Variants in STK3 observed in about 807,000 individuals in gnomAD.
STK3 encodes the protein serine/threonine-protein kinase 3.
A neutral mutation model predicts 58.0 loss-of-function variants in STK3; 41 were observed. That is an observed-to-expected ratio of 0.71 (90% CI 0.55 to 0.92). STK3 has a LOEUF of 0.92. Among genes scored for constraint, STK3 ranks in the 40% least tolerant of loss-of-function variants. The pLI, the probability that STK3 is intolerant of heterozygous loss-of-function variation, is 0.00. For missense variants in STK3, 479 were observed against 602.7 expected (o/e 0.79, Z 2.15); for synonymous variants, 170 against 191.0 (o/e 0.89, Z 0.91).
intron 10 of STK3, among the ~76,000 whole-genome samples, chr8:98,463,538 A>C (rs1820180603): frequency 6.6e-6 from 1 of 152,146 alleles, no homozygotes; most frequent in Non-Finnish European, 1.5e-5. Context: ...AACCTTTAAT[A>C]ATTAGAATTA....
chr8:98,511,950 T>C (rs764480822), intron 10 of STK3, among the ~76,000 whole-genome samples: 14 of 152,186 alleles, frequency 9.2e-5, no homozygotes, highest in Middle Eastern at 3.4e-3. Context: ...AAAATCCCAC[T>C]TGCATAATTT....
intron 6 of STK3, among the ~76,000 whole-genome samples, chr8:98,612,350 A>G (rs1817267897): frequency 6.6e-6 from 1 of 150,396 alleles, no homozygotes. Flanking sequence ...TGAAACCAGG[A>G]ATTCAAGACC....
chr8:98,908,718 C>T (rs1201104808), intron 1 of STK3, among the ~76,000 whole-genome samples: 1 of 151,564 alleles, frequency 6.6e-6, no homozygotes, highest in African/African-American at 2.4e-5. Context: ...TGGCAGGCAC[C>T]TGTAATCCCA....
At chr8:98,607,280 G>A (rs79438271) in intron 6 of STK3, among the ~76,000 whole-genome samples, 3,553 of 152,200 alleles carry the variant, frequency 0.023, 65 homozygotes, top group Middle Eastern at 0.061. Flanking sequence ...CCCTTTCAGG[G>A]ATCTACCAAG....
intron 10 of STK3, among the ~76,000 whole-genome samples, chr8:98,464,540 T>TAAAAAAAAAAAAAAAAAAAA: frequency 1.7e-4 from 12 of 69,228 alleles, no homozygotes; most frequent in South Asian, 6.1e-4. Context: ...TACTTAAAGT[T>TAAAAAAAAAAAAAAAAAAAA]AAAAAAAAAA....
At chr8:98,730,738 A>C (rs979919544) in intron 4 of STK3, among the ~76,000 whole-genome samples, 1 of 145,520 alleles carries the variant, frequency 6.9e-6, no homozygotes, top group Non-Finnish European at 1.5e-5. Flanking sequence ...AAAAAAAAAA[A>C]CACCTGTGTG....
chr8:98,598,870 T>G, intron 6 of STK3: 1 of 985,438 alleles, frequency 1.0e-6, no homozygotes, highest in Non-Finnish European at 1.2e-6. Context: ...AGAACTACTC[T>G]GATCACAAGC....
chr8:98,484,629 T>A (rs979040538), intron 10 of STK3, among the ~76,000 whole-genome samples: 2 of 151,614 alleles, frequency 1.3e-5, no homozygotes, highest in Non-Finnish European at 2.9e-5. Context: ...AAAGTAACTA[T>A]AAAGACAGGT....
intron 3 of STK3, among the ~76,000 whole-genome samples, chr8:98,416,095 C>T (rs1405702483): frequency 6.6e-6 from 1 of 152,186 alleles, no homozygotes; most frequent in Non-Finnish European, 1.5e-5. Context: ...ACAAGCTGGG[C>T]CATTCAATGC....
intron 2 of STK3, among the ~76,000 whole-genome samples, chr8:98,377,928 C>T (rs895921882): frequency 9.2e-5 from 14 of 152,170 alleles, no homozygotes; most frequent in Non-Finnish European, 1.9e-4. Flanking sequence ...TCTCTCCTGC[C>T]TCTTGTGGGG....
intron 3 of STK3, among the ~76,000 whole-genome samples, chr8:98,852,560 GT>G (rs1246395990): frequency 6.6e-6 from 1 of 152,196 alleles, no homozygotes; most frequent in Non-Finnish European, 1.5e-5. Context: ...CAAGGACATA[GT>G]TGACAATTCA....
intron 4 of STK3, among the ~76,000 whole-genome samples, chr8:98,745,762 C>T (rs1380954372): frequency 6.6e-6 from 1 of 151,950 alleles, no homozygotes; most frequent in Non-Finnish European, 1.5e-5. Flanking sequence ...GCCAAAGGAC[C>T]ATATCCTAGA....
intron 6 of STK3, among the ~76,000 whole-genome samples, chr8:98,652,790 AAT>A (rs1486909544): frequency 2.0e-5 from 3 of 150,850 alleles, no homozygotes; most frequent in African/African-American, 7.3e-5. Flanking sequence ...AACTATCCTA[AAT>A]ATATATGCAC....
intron 4 of STK3, among the ~76,000 whole-genome samples, chr8:98,721,384 G>C (rs765175271): frequency 2.0e-5 from 3 of 151,968 alleles, no homozygotes; most frequent in Non-Finnish European, 4.4e-5. Context: ...CAGAAAAATA[G>C]CCAGTTATGG....
intron 4 of STK3, among the ~76,000 whole-genome samples, chr8:98,713,165 A>G (rs1389663816): frequency 2.0e-5 from 3 of 152,254 alleles, no homozygotes; most frequent in East Asian, 1.9e-4. Flanking sequence ...AGCACTAAAT[A>G]CCCAAAAGAG....
chr8:98,618,153 T>A (rs1313171858), intron 6 of STK3, among the ~76,000 whole-genome samples: 1 of 151,796 alleles, frequency 6.6e-6, no homozygotes, highest in Non-Finnish European at 1.5e-5. Context: ...GCAAGGCTGG[T>A]TCAATATACA....
At position 98,459,392 on chromosome 8, in the gene STK3, T is replaced by C. The variant is rs545763989; in HGVS notation, c.1318-3392A>G. Among the ~76,000 whole-genome samples, 4 of 152,278 alleles carry C rather than the reference T, an allele frequency of 2.6e-5. No homozygotes were observed. The South Asian group carries it at 8.3e-4, about 32-fold the overall frequency. Reference sequence around the variant, plus strand: ...GTTTTATGGATTCACAAATAGATGGTTTGAAATTGGAACTTATGTTTAAAA... The same window carrying C: ...GTTTTATGGATTCACAAATAGATGGCTTGAAATTGGAACTTATGTTTAAAA... On this transcript the variant is annotated intron_variant, in intron 10 of 10. Coordinates refer to ENST00000419617, the MANE Select transcript of STK3 (RefSeq NM_006281.4).
chr8:98,400,831 G>C (rs1429687348), downstream of STK3, among the ~76,000 whole-genome samples: 1 of 152,026 alleles, frequency 6.6e-6, no homozygotes, highest in Non-Finnish European at 1.5e-5. Context: ...TATCAGCTGG[G>C]GACTGCCCTG....
chr8:98,730,461 T>C (rs571996834), intron 4 of STK3, among the ~76,000 whole-genome samples: 1 of 152,266 alleles, frequency 6.6e-6, no homozygotes, highest in South Asian at 2.1e-4. Context: ...CTCATATCTG[T>C]AATCCCAGCA....
Sources: allele counts gnomAD v4.1 joint callset (sites outside exome capture counted in the v4.1 genomes callset), GRCh38; gene constraint gnomAD v4.1.1; transcripts MANE v1.5; gene names NCBI Gene and HGNC (gene_info 2026-07-23, HGNC 2026-07-21).